The following FRMD3 variants were observed in gnomAD, a reference collection of about 807,000 sequenced individuals.
FRMD3 encodes the protein FERM domain-containing protein 3.
A neutral mutation model predicts 70.2 loss-of-function variants in FRMD3; 33 were observed. The observed-to-expected ratio is 0.47, with a 90% confidence interval of 0.36 to 0.63. FRMD3 has a LOEUF of 0.63. FRMD3 is among the 20% of genes least tolerant of loss of function. The probability of loss-of-function intolerance (pLI) is 0.00; values close to 1 mark genes in which losing one functional copy is unlikely to be tolerated. For synonymous variants in FRMD3, 279 were observed against 255.9 expected, an observed-to-expected ratio of 1.09 and a Z score of -0.86; for missense variants, 632 against 711.4, an observed-to-expected ratio of 0.89 and a Z score of 1.27.
At chr9:83,364,479 C>G (rs1289162793) in intron 3 of FRMD3, among the ~76,000 whole-genome samples, 1 of 151,962 alleles carries the variant, frequency 6.6e-6, no homozygotes, top group African/African-American at 2.4e-5. Context: ...TTGCTTGAAC[C>G]CTGGAGGCGG....
intron 1 of FRMD3, among the ~76,000 whole-genome samples, chr9:83,451,389 TCA>T (rs10611241): frequency 0.089 from 13,079 of 147,490 alleles, 652 homozygotes; most frequent in South Asian, 0.19. Flanking sequence ...AATACATACA[TCA>T]CACACACACA....
rs1330257681 is a variant in FRMD3 at position 83,246,762 on chromosome 9, AC to A, written c.*1155del. The A allele has an allele frequency of 3.6e-5, 35 of 985,062 alleles. No individual in the cohort carries two copies. The African/African-American group carries it at 4.9e-4, about 14-fold the overall frequency. The allele number at this position is 985,062 out of a possible 1,614,324, so 61.0% of individuals were successfully genotyped here. On this transcript the variant is annotated 3_prime_UTR_variant, in exon 14 of 14. Transcript: ENST00000304195. ...AATGGCATGAGGGATCAAAATATTT[AC>A]CTTAAAGTTTCTCCACTTTTATTTA...
At position 83,248,062 on chromosome 9, in the gene FRMD3, C is replaced by T. The variant is rs1832199809; in HGVS notation, c.1650G>A (p.Leu550=). 6.2e-7 allele frequency: 1 copy of T among 1,614,094 alleles called. No homozygotes were observed. ...LFVFPLLLLL[L]ESGIDLSFLC... ...AGAAGGAGAGATCAATACCTGACTCCAAAAGGAGGAGGAGCAGGGGAAATA... is the reference window on the plus strand; with the variant it reads ...AGAAGGAGAGATCAATACCTGACTCTAAAAGGAGGAGGAGCAGGGGAAATA... Residue 550 remains leucine (L), a synonymous_variant, in exon 14 of 14, where the codon TTG becomes TTA. Coordinates refer to ENST00000304195, the MANE Select transcript of FRMD3 (RefSeq NM_174938.6).
chr9:83,511,796 C>T (rs565675980), intron 1 of FRMD3, among the ~76,000 whole-genome samples: 1 of 152,254 alleles, frequency 6.6e-6, no homozygotes, highest in Non-Finnish European at 1.5e-5. Flanking sequence ...GAACCCACTC[C>T]CAGGACCACG....
At chr9:83,522,881 A>G (rs1008374427) in intron 1 of FRMD3, among the ~76,000 whole-genome samples, 10 of 152,130 alleles carry the variant, frequency 6.6e-5, no homozygotes, top group African/African-American at 1.7e-4. Context: ...TTTTTAAAGT[A>G]GTAACATTGG....
intron 2 of FRMD3, among the ~76,000 whole-genome samples, chr9:83,383,934 A>T (rs1825434842): frequency 6.6e-6 from 1 of 152,208 alleles, no homozygotes; most frequent in Non-Finnish European, 1.5e-5. Flanking sequence ...CCATCCTTTT[A>T]GTTAAAGACC....
At chr9:83,255,338 T>C (rs888266342) in intron 13 of FRMD3, among the ~76,000 whole-genome samples, 7 of 152,150 alleles carry the variant, frequency 4.6e-5, no homozygotes, top group African/African-American at 1.2e-4. Flanking sequence ...CTTCCCTTCA[T>C]GTTAAAAACT....
intron 1 of FRMD3, among the ~76,000 whole-genome samples, chr9:83,441,591 T>A (rs1472658304): frequency 1.3e-5 from 2 of 152,084 alleles, no homozygotes; most frequent in Non-Finnish European, 2.9e-5. Flanking sequence ...GGAAAATTAC[T>A]CTTAAGTATT....
chr9:83,345,635 T>C (rs551220513), intron 4 of FRMD3, among the ~76,000 whole-genome samples: 98 of 152,114 alleles, frequency 6.4e-4, no homozygotes, highest in Non-Finnish European at 1.3e-3. Flanking sequence ...TGGGTGCCTA[T>C]AATCCCAGCT....
chr9:83,530,141 C>T (rs908021736), intron 1 of FRMD3, among the ~76,000 whole-genome samples: 5 of 152,168 alleles, frequency 3.3e-5, no homozygotes, highest in African/African-American at 1.2e-4. Context: ...TCTAGGTATA[C>T]ACCCAAGAGA....
chr9:83,412,716 C>T (rs188124041), intron 1 of FRMD3, among the ~76,000 whole-genome samples: 99 of 152,266 alleles, frequency 6.5e-4, no homozygotes, highest in Non-Finnish European at 1.3e-3. Context: ...TGGTCCTGGC[C>T]GGGCACGGTG....
chr9:83,343,178 G>C lies in FRMD3; in HGVS notation c.472+12C>G. On this transcript the variant is annotated intron_variant, in intron 5 of 13. Transcript: ENST00000304195. ...TGCAAAGGTGGCGTGGGTGAGCTGT[G>C]GCCAGACTTACCTTGAACAATACAG... 6.3e-7 allele frequency: 1 copy of C among 1,587,886 alleles called. No individual in the cohort carries two copies. The highest frequency in any genetic ancestry group is 8.6e-7 in the Non-Finnish European group (1 of 1,156,246).
chr9:83,424,450 G>T (rs536624612), intron 1 of FRMD3, among the ~76,000 whole-genome samples: 5 of 152,202 alleles, frequency 3.3e-5, no homozygotes, highest in Non-Finnish European at 7.3e-5. Context: ...GAGAAAGCCT[G>T]CCCGGTATAA....
chr9:83,311,465 T>C (rs1325251605), intron 8 of FRMD3, among the ~76,000 whole-genome samples: 1 of 152,116 alleles, frequency 6.6e-6, no homozygotes, highest in Non-Finnish European at 1.5e-5. Flanking sequence ...TCTTCACGGA[T>C]ACACTGGATA....
chr9:83,437,325 T>C (rs1827164411), intron 1 of FRMD3, among the ~76,000 whole-genome samples: 1 of 152,220 alleles, frequency 6.6e-6, no homozygotes, highest in Non-Finnish European at 1.5e-5. Flanking sequence ...TCTCAGCAAA[T>C]TTTATCTCAG....
intron 1 of FRMD3, among the ~76,000 whole-genome samples, chr9:83,431,953 G>A (rs559993452): frequency 2.1e-4 from 32 of 152,280 alleles, no homozygotes; most frequent in Non-Finnish European, 5.9e-5. Context: ...TGTGGGACTT[G>A]GGCTTCTTCA....
chr9:83,316,161 C>CTTTTTTTTTTTTTTTCT (rs34851421), intron 6 of FRMD3, among the ~76,000 whole-genome samples: 1 of 112,606 alleles, frequency 8.9e-6, no homozygotes, highest in African/African-American at 3.7e-5. Flanking sequence ...TTTTTTTTTT[C>CTTTTTTTTTTTTTTTCT]TTTTTTTTTT....
Position 83,274,718 on chromosome 9 carries a change from G to A in FRMD3, c.1195+15885C>T, listed in dbSNP as rs562139964. On this transcript the variant is annotated intron_variant, in intron 13 of 13. Coordinates refer to ENST00000304195, the MANE Select transcript of FRMD3 (RefSeq NM_174938.6). ...TGTGTGAGGAACCATTGGCCCCACT[G>A]TATGGGACTGGACTCTCCATGCAGT... Among the ~76,000 whole-genome samples the A allele has an allele frequency of 2.0e-5, 3 of 152,330 alleles. No homozygotes were observed. In the South Asian group the frequency reaches 6.2e-4, roughly 32 times the overall value.
rs200147815 is a variant in FRMD3, at chr9:83,461,665, C to CTT, written c.148-71959_148-71958dup. Among the ~76,000 whole-genome samples the CTT allele has an allele frequency of 2.1e-3, 149 of 70,690 alleles. 15 individuals carry two copies. The highest frequency in any genetic ancestry group is 3.4e-3 in the Admixed American group (15 of 4,462). The allele number at this position is 70,690 out of a possible 152,430, so 46.4% of individuals were successfully genotyped here. A position where few individuals can be genotyped will look rare whatever the true frequency, so the allele number is the denominator to read the frequency against. On this transcript the variant is annotated intron_variant, in intron 1 of 13. Transcript: ENST00000304195. ...AATCTTAATTCCTTCAGGAATTTCC[C>CTT]TTTTTTTTTTTTTTTTTTTTTTTTT... is the stretch of plus-strand genomic sequence containing the variant.
Sources: gnomAD v4.1 joint callset for allele counts (sites outside exome capture counted in the v4.1 genomes callset) on GRCh38, gnomAD v4.1.1 for gene constraint, MANE v1.5 for transcripts, NCBI Gene and HGNC (gene_info 2026-07-23, HGNC 2026-07-21) for gene names.